The following KCMF1 variants were observed in gnomAD, a reference collection of about 807,000 sequenced individuals.
The protein encoded by KCMF1 is E3 ubiquitin-protein ligase KCMF1.
In KCMF1, 3 loss-of-function variants were observed where a neutral mutation model predicts 41.1. That is an observed-to-expected ratio of 0.07 (90% CI 0.03 to 0.19). The LOEUF is 0.19. KCMF1 is among the 10% of genes least tolerant of loss of function. KCMF1 has a pLI of 1.00. For synonymous variants in KCMF1, 142 were observed against 164.5 expected (o/e 0.86, Z 1.04); for missense variants, 286 against 488.9 (o/e 0.58, Z 3.91).
intron 1 of KCMF1, among the ~76,000 whole-genome samples, chr2:85,006,493 G>A (rs938885419): frequency 6.6e-6 from 1 of 151,162 alleles, no homozygotes; most frequent in Admixed American, 6.6e-5. Flanking sequence ...GTAGAGACAG[G>A]GTTTCACCGT....
intron 1 of KCMF1, among the ~76,000 whole-genome samples, chr2:84,977,142 G>A (rs1673568873): frequency 6.6e-6 from 1 of 151,974 alleles, no homozygotes; most frequent in South Asian, 2.1e-4. Context: ...GCCTCCCAGA[G>A]TGTTGGGATT....
chr2:84,985,573 C>G (rs1358607419), intron 1 of KCMF1, among the ~76,000 whole-genome samples: 1 of 151,172 alleles, frequency 6.6e-6, no homozygotes, highest in Non-Finnish European at 1.5e-5. Context: ...GCTCACGCCT[C>G]TAATCTTAGC....
rs552431742 is a variant in KCMF1, at chr2:85,047,862, A to T, written c.602-1504A>T. Among the ~76,000 whole-genome samples, 3 of 152,284 alleles carry T rather than the reference A, an allele frequency of 2.0e-5. No individual in the cohort carries two copies. In the South Asian group the frequency reaches 6.2e-4, roughly 32 times the overall value. ...CCATGAGCACCCTGCAGAACACCTG[A>T]AACATTGATAAGTGTAAATCTGTAA... On this transcript the variant is annotated intron_variant, in intron 5 of 6. Coordinates refer to ENST00000409785, the MANE Select transcript of KCMF1 (RefSeq NM_020122.5).
intron 6 of KCMF1, among the ~76,000 whole-genome samples, chr2:85,051,057 A>G (rs1479290790): frequency 6.6e-6 from 1 of 152,238 alleles, no homozygotes; most frequent in Non-Finnish European, 1.5e-5. Flanking sequence ...CTGGCTCACT[A>G]TCTGGCCTAT....
At chr2:85,038,156 C>T (rs76676978) in intron 3 of KCMF1, among the ~76,000 whole-genome samples, 1,588 of 152,292 alleles carry the variant, frequency 0.01, 22 homozygotes, top group African/African-American at 0.036. Context: ...CTAACTTCAG[C>T]ACTATGATGG....
chr2:84,976,942 G>A (rs1013098054), intron 1 of KCMF1, among the ~76,000 whole-genome samples: 10 of 151,926 alleles, frequency 6.6e-5, no homozygotes, highest in African/African-American at 2.4e-4. Context: ...ATACATTGTA[G>A]AATGGCAGCT....
chr2:85,022,110 C>T (rs1674961174), intron 1 of KCMF1, among the ~76,000 whole-genome samples: 1 of 152,116 alleles, frequency 6.6e-6, no homozygotes, highest in African/African-American at 2.4e-5. Flanking sequence ...AGCCACCACG[C>T]CCGGCCTGTT....
At chr2:84,979,857 T>C (rs2103963972) in intron 1 of KCMF1, among the ~76,000 whole-genome samples, 1 of 152,112 alleles carries the variant, frequency 6.6e-6, no homozygotes, top group South Asian at 2.1e-4. Context: ...AGTTTCACTA[T>C]TGTTGCCCAG....
chr2:85,012,511 G>A (rs964773977), intron 1 of KCMF1, among the ~76,000 whole-genome samples: 5 of 151,582 alleles, frequency 3.3e-5, no homozygotes, highest in African/African-American at 7.3e-5. Flanking sequence ...TTTCTTTTCC[G>A]TATTACCGTA....
At chr2:85,037,032 G>C (rs1266840567) in intron 3 of KCMF1, among the ~76,000 whole-genome samples, 1 of 92,426 alleles carries the variant, frequency 1.1e-5, no homozygotes, top group African/African-American at 4.3e-5. Flanking sequence ...CTCAAAATTT[G>C]TTGTTTACAC....
chr2:85,040,724 C>G (rs951323357), intron 3 of KCMF1, among the ~76,000 whole-genome samples: 1 of 152,072 alleles, frequency 6.6e-6, no homozygotes, highest in African/African-American at 2.4e-5. Flanking sequence ...GCAACATCTT[C>G]CACTTGGTTC....
intron 1 of KCMF1, among the ~76,000 whole-genome samples, chr2:85,000,773 CTTTT>C (rs1234800307): frequency 1.7e-5 from 2 of 118,620 alleles, no homozygotes; most frequent in East Asian, 2.3e-4. Flanking sequence ...GATAATTTTA[CTTTT>C]TTTTTTTTTT....
chr2:85,029,032 G>A (rs747456643), intron 2 of KCMF1, among the ~76,000 whole-genome samples: 2 of 151,902 alleles, frequency 1.3e-5, no homozygotes, highest in African/African-American at 2.4e-5. Context: ...TGCAGTGGCC[G>A]GATTTCGGCT....
intron 1 of KCMF1, among the ~76,000 whole-genome samples, chr2:84,978,536 A>T (rs1673614380): frequency 6.8e-6 from 1 of 147,696 alleles, no homozygotes. Flanking sequence ...TTTAGGGTAC[A>T]TGTGCACAAT....
intron 1 of KCMF1, among the ~76,000 whole-genome samples, chr2:85,019,069 T>A (rs1056079284): frequency 6.6e-6 from 1 of 152,046 alleles, no homozygotes; most frequent in African/African-American, 2.4e-5. Context: ...TTAAATAGAG[T>A]GTACTGATAT....
At chr2:84,992,110 G>A (rs999339779) in intron 1 of KCMF1, among the ~76,000 whole-genome samples, 2 of 152,316 alleles carry the variant, frequency 1.3e-5, no homozygotes, top group Non-Finnish European at 2.9e-5. Flanking sequence ...CACTTACTGT[G>A]ACCTTGGGTA....
chr2:85,004,988 C>T (rs1181295619), intron 1 of KCMF1, among the ~76,000 whole-genome samples: 1 of 152,006 alleles, frequency 6.6e-6, no homozygotes, highest in East Asian at 1.9e-4. Flanking sequence ...CTCACTCCAG[C>T]CTCCGCCTCC....
chr2:85,025,616 T>C (rs1454995317), intron 1 of KCMF1, among the ~76,000 whole-genome samples: 1 of 152,160 alleles, frequency 6.6e-6, no homozygotes, highest in African/African-American at 2.4e-5. Context: ...TGACATTTTT[T>C]TGGTTTTTTG....
Position 85,049,660 on chromosome 2 carries a change from G to GT in KCMF1, c.884+14dup. ...TTTCTTTTAACAAGGTAGCTCATTT[G>GT]TTAATAGAATTTTGTTTGGGAAGTA... On this transcript the variant is annotated intron_variant, in intron 6 of 6. Transcript: ENST00000409785. 1 of 1,598,194 alleles carries GT rather than the reference G, an allele frequency of 6.3e-7. No homozygotes were observed.
Sources: gnomAD v4.1 joint callset for allele counts (sites outside exome capture counted in the v4.1 genomes callset) on GRCh38, gnomAD v4.1.1 for gene constraint, MANE v1.5 for transcripts, NCBI Gene and HGNC (gene_info 2026-07-23, HGNC 2026-07-21) for gene names.